The following SHANK2 variants were observed in gnomAD, a reference collection of about 807,000 sequenced individuals.
The protein encoded by SHANK2 is SH3 and multiple ankyrin repeat domains 2.
In SHANK2, 43 loss-of-function variants were observed where a neutral mutation model predicts 133.7. That is an observed-to-expected ratio of 0.32 (90% confidence interval 0.25 to 0.41). The LOEUF is 0.41. Ranked by LOEUF, SHANK2 falls within the 10% of genes least tolerant of loss-of-function variation. The probability of loss-of-function intolerance (pLI) is 1.00; values close to 1 mark genes in which losing one functional copy is unlikely to be tolerated. For missense variants in SHANK2, 1,994 were observed against 2,235.8 expected (o/e 0.89, Z 2.18); for synonymous variants, 1,017 against 952.8 (o/e 1.07, Z -1.24).
chr11:71,223,334 G>T (rs1423235925), intron 2 of SHANK2, among the ~76,000 whole-genome samples: 1 of 152,216 alleles, frequency 6.6e-6, no homozygotes, highest in Non-Finnish European at 1.5e-5. Context: ...TAAACGATCA[G>T]CACAGCAACA....
At chr11:70,822,232 C>T (rs568599396) in intron 11 of SHANK2, among the ~76,000 whole-genome samples, 3 of 152,344 alleles carry the variant, frequency 2.0e-5, no homozygotes, top group East Asian at 3.9e-4. Flanking sequence ...GCTGAAGCCA[C>T]GCTTGGCTCC....
chr11:71,086,508 TTATA>T (rs1453508231), intron 8 of SHANK2, among the ~76,000 whole-genome samples: 10 of 140,644 alleles, frequency 7.1e-5, no homozygotes, highest in African/African-American at 2.1e-4. Flanking sequence ...ACATAATTTA[TTATA>T]TATAATATAT....
Position 70,487,018 on chromosome 11 carries a change from C to T in SHANK2, c.3275G>A (p.Arg1092Gln), listed in dbSNP as rs2058818786. The T allele has an allele frequency of 2.5e-6, 4 of 1,610,048 alleles. No homozygotes were observed. Among genetic ancestry groups the T allele is most frequent in the Admixed American group, 1.7e-5 (1 of 59,996 alleles). ...IAGAVRDREK[R>Q]LEARRNSPAF... ...CGGGGAGTTCCTCCTGGCTTCCAGC[C>T]GCTTCTCACGGTCGCGGACGGCTCC... Residue 1092 changes from arginine (R) to glutamine (Q), a missense_variant, in exon 25 of 26, where the codon CGG becomes CAG. By Grantham distance (43) the Arg-to-Gln change is conservative. This residue lies in a region of SHANK2 where 488 missense variants were observed against 642.6 expected (regional missense o/e 0.76). Coordinates refer to ENST00000601538, the MANE Select transcript of SHANK2 (RefSeq NM_012309.5). This position sits in a 1 kb window ranked among gnomAD's most constrained non-coding sequence, Gnocchi z 5.8.
intron 17 of SHANK2, among the ~76,000 whole-genome samples, chr11:70,530,676 G>C (rs2059456267): frequency 6.6e-6 from 1 of 152,182 alleles, no homozygotes; most frequent in Non-Finnish European, 1.5e-5. Context: ...GCAGTCCCTA[G>C]AGTAGCCAAA....
intron 11 of SHANK2, among the ~76,000 whole-genome samples, chr11:70,849,907 T>G (rs1487936153): frequency 6.6e-6 from 1 of 152,208 alleles, no homozygotes; most frequent in African/African-American, 2.4e-5. Context: ...ATCAAGTATA[T>G]TCACAGTGTT....
At chr11:71,180,604 G>C (rs1037995129) in intron 2 of SHANK2, among the ~76,000 whole-genome samples, 3 of 152,140 alleles carry the variant, frequency 2.0e-5, no homozygotes, top group Admixed American at 1.3e-4. Context: ...ATACATACAG[G>C]CTTCTAGAAA....
chr11:70,658,929 G>A (rs782037451), intron 17 of SHANK2, among the ~76,000 whole-genome samples: 4 of 152,192 alleles, frequency 2.6e-5, no homozygotes, highest in East Asian at 3.8e-4. Flanking sequence ...ATGGAAGAGC[G>A]CGTGCATCCA....
At chr11:71,235,980 C>T (rs1954821878) in intron 1 of SHANK2, among the ~76,000 whole-genome samples, 1 of 152,192 alleles carries the variant, frequency 6.6e-6, no homozygotes, top group African/African-American at 2.4e-5. Context: ...AAAACTGAGG[C>T]CAGACCAGCA....
chr11:70,716,874 C>T (rs1276835677), intron 14 of SHANK2, among the ~76,000 whole-genome samples: 4 of 148,952 alleles, frequency 2.7e-5, no homozygotes, highest in Non-Finnish European at 6.0e-5. Context: ...CGCCTCACAT[C>T]TCACTGGACC....
chr11:70,538,490 C>G (rs1161952753), intron 17 of SHANK2, among the ~76,000 whole-genome samples: 1 of 152,236 alleles, frequency 6.6e-6, no homozygotes, highest in Non-Finnish European at 1.5e-5. Context: ...TCTGGGGATG[C>G]GTCCTCCCCT....
chr11:70,781,911 A>G (rs1205314698), intron 14 of SHANK2, among the ~76,000 whole-genome samples: 2 of 151,914 alleles, frequency 1.3e-5, no homozygotes, highest in African/African-American at 2.4e-5. Flanking sequence ...GCACATGTAC[A>G]CCATGGAATA....
intron 17 of SHANK2, among the ~76,000 whole-genome samples, chr11:70,512,745 C>T (rs550843949): frequency 1.3e-5 from 2 of 152,214 alleles, no homozygotes; most frequent in Non-Finnish European, 2.9e-5. Context: ...ATTCCTTTGA[C>T]TGATTCTTTC....
rs142082931 is a variant in SHANK2 at position 70,912,407 on chromosome 11, G to A, written c.1108-15840C>T. ...ATGTTGTGGGAGGGACCCGGGGAGA[G>A]GTAATTGAATCACGGGGGCCGGTCT... On this transcript the variant is annotated intron_variant, in intron 10 of 25. Coordinates refer to ENST00000601538, the MANE Select transcript of SHANK2 (RefSeq NM_012309.5). Among the ~76,000 whole-genome samples, 490 of 152,252 alleles carry A rather than the reference G, an allele frequency of 3.2e-3. 3 individuals carry two copies. Among genetic ancestry groups the A allele is most frequent in the African/African-American group, 0.011 (468 of 41,542 alleles).
rs1590736117 is a variant in SHANK2, at chr11:70,830,621, G to A, written c.1175-9939C>T. On this transcript the variant is annotated intron_variant, in intron 11 of 25. Transcript: ENST00000601538. This position sits in a 1 kb window ranked among gnomAD's most constrained non-coding sequence, Gnocchi z 4.4. ...ACAAGTATTCCGAGGATGACCGAGC[G>A]CTAGTGGTTGAGATGAAAATTAAGA... Among the ~76,000 whole-genome samples the A allele has an allele frequency of 6.6e-6, 1 of 152,232 alleles. No homozygotes were observed. The highest frequency in any genetic ancestry group is 6.5e-5 in the Admixed American group (1 of 15,286).
chr11:71,141,623 A>C (rs1262155047), intron 3 of SHANK2, among the ~76,000 whole-genome samples: 1 of 152,170 alleles, frequency 6.6e-6, no homozygotes, highest in African/African-American at 2.4e-5. Context: ...GTTTTTTATT[A>C]CAAATTACTC....
intron 14 of SHANK2, among the ~76,000 whole-genome samples, chr11:70,718,970 T>C (rs1946015011): frequency 6.6e-6 from 1 of 152,112 alleles, no homozygotes; most frequent in Non-Finnish European, 1.5e-5. Context: ...TCACGAATTA[T>C]CGGTAAGATG....
At chr11:71,244,309 C>T (rs1307293058) in intron 1 of SHANK2, among the ~76,000 whole-genome samples, 2 of 152,234 alleles carry the variant, frequency 1.3e-5, no homozygotes, top group Admixed American at 6.5e-5. Flanking sequence ...GTCTGAAGCC[C>T]CTGACTAAAC....
chr11:70,707,256 C>T (rs1469919961), intron 14 of SHANK2, among the ~76,000 whole-genome samples: 2 of 151,084 alleles, frequency 1.3e-5, no homozygotes, highest in African/African-American at 4.9e-5. Context: ...CCTGTAATCT[C>T]AGCTACTTGG....
intron 2 of SHANK2, among the ~76,000 whole-genome samples, chr11:71,159,340 C>G (rs1952964781): frequency 6.6e-6 from 1 of 152,184 alleles, no homozygotes; most frequent in Admixed American, 6.5e-5. Context: ...ACCATCTCCT[C>G]TTCTGCAGCC....
Sources: allele counts gnomAD v4.1 joint callset (sites outside exome capture counted in the v4.1 genomes callset), GRCh38; gene constraint gnomAD v4.1.1; regional missense constraint gnomAD v4.1.1; non-coding constraint Gnocchi (gnomAD v3.1); transcripts MANE v1.5; gene names NCBI Gene and HGNC (gene_info 2026-07-23, HGNC 2026-07-21).